The following MAST4 variants were observed in gnomAD, a reference collection of about 807,000 sequenced individuals.
MAST4 encodes the protein microtubule associated serine/threonine kinase family member 4, also known as microtubule-associated serine/threonine-protein kinase 4.
In MAST4, 89 loss-of-function variants were observed where a neutral mutation model predicts 162.7. The ratio of observed to expected loss-of-function variants is 0.55; its 90% CI spans 0.46 to 0.65. MAST4 has a LOEUF of 0.65. Ranked by LOEUF, MAST4 falls within the 30% of genes least tolerant of loss-of-function variation. The pLI is 0.00. For missense variants in MAST4, 3,153 were observed against 3,374.0 expected (o/e 0.93, Z 1.62); for synonymous variants, 1,479 against 1,361.1 (o/e 1.09, Z -1.91).
rs1230619144 is a variant in MAST4, at chr5:67,069,313, A to ATATATATATATATATATATATAT, written c.763+14821_763+14822insTATATATATATATATATATATAT. On this transcript the variant is annotated intron_variant, in intron 5 of 28. Coordinates refer to ENST00000403625, the MANE Select transcript of MAST4 (RefSeq NM_001164664.2). ...ATATATATATATATATATATATATA[A>ATATATATATATATATATATATAT]AATTTTAAAATATTCCTTCTAAGGC... is the stretch of plus-strand genomic sequence containing the variant. Among the ~76,000 whole-genome samples the ATATATATATATATATATATATAT allele has an allele frequency of 3.8e-3, 249 of 65,164 alleles. 6 individuals carry two copies. Among genetic ancestry groups the ATATATATATATATATATATATAT allele is most frequent in the Middle Eastern group, 8.8e-3 (1 of 114 alleles). The allele number at this position is 65,164 out of a possible 152,430, so 42.8% of individuals were successfully genotyped here.
chr5:67,121,230 C>CCT (rs1767544269), intron 14 of MAST4, 128 bp downstream of exon 14: 1 of 701,584 alleles, frequency 1.4e-6, no homozygotes, highest in Non-Finnish European at 2.4e-6. Context: ...CTGCTCCTTT[C>CCT]CTGAGGCTTG....
chr5:66,761,767 T>C (rs1414234224), intron 2 of MAST4, among the ~76,000 whole-genome samples: 1 of 152,200 alleles, frequency 6.6e-6, no homozygotes, highest in Non-Finnish European at 1.5e-5. Flanking sequence ...ATCTTTTCCC[T>C]TGAGTTTACT....
At chr5:66,972,904 C>G (rs1033840677) in intron 4 of MAST4, among the ~76,000 whole-genome samples, 3 of 152,216 alleles carry the variant, frequency 2.0e-5, no homozygotes, top group African/African-American at 7.2e-5. Flanking sequence ...GTTCCTGTGT[C>G]AGGGCTGATT....
At chr5:66,865,628 T>C (rs556112746) in intron 3 of MAST4, among the ~76,000 whole-genome samples, 10 of 152,324 alleles carry the variant, frequency 6.6e-5, no homozygotes, top group Admixed American at 3.9e-4. Context: ...AAAAAATTAA[T>C]AAATGACTGA....
chr5:66,992,481 G>C (rs1581130111), intron 4 of MAST4, among the ~76,000 whole-genome samples: 1 of 152,128 alleles, frequency 6.6e-6, no homozygotes. Context: ...GTCATGGGCA[G>C]ACTTTCCCCA....
intron 1 of MAST4, among the ~76,000 whole-genome samples, chr5:66,687,672 CTA>C (rs1561262847): frequency 1.0e-4 from 14 of 134,594 alleles, no homozygotes; most frequent in South Asian, 2.4e-4. Flanking sequence ...ATCTATCTAT[CTA>C]TCTATACGCA....
At chr5:67,105,197 T>C (rs1052321888) in intron 10 of MAST4, among the ~76,000 whole-genome samples, 9 of 152,194 alleles carry the variant, frequency 5.9e-5, no homozygotes, top group African/African-American at 2.2e-4. Context: ...ATAATATTGC[T>C]CTTCTGGCTG....
intron 4 of MAST4, among the ~76,000 whole-genome samples, chr5:66,987,455 C>CT (rs534150768): frequency 1.4e-4 from 20 of 147,622 alleles, no homozygotes; most frequent in East Asian, 3.9e-4. Context: ...TTTTTTTCTA[C>CT]TTTTTTTTTT....
intron 1 of MAST4, among the ~76,000 whole-genome samples, chr5:66,704,278 T>C (rs1319205684): frequency 6.6e-6 from 1 of 152,134 alleles, no homozygotes; most frequent in Middle Eastern, 3.2e-3. Flanking sequence ...GTGCCAAGTG[T>C]TCAACATCAG....
chr5:66,750,642 C>G (rs1251219619), intron 1 of MAST4, among the ~76,000 whole-genome samples: 1 of 152,222 alleles, frequency 6.6e-6, no homozygotes, highest in Non-Finnish European at 1.5e-5. Context: ...CTCTGAGGGT[C>G]CTACGCCCAC....
intron 1 of MAST4, among the ~76,000 whole-genome samples, chr5:66,627,966 G>A (rs1410078191): frequency 1.3e-5 from 2 of 151,942 alleles, no homozygotes; most frequent in African/African-American, 4.8e-5. Context: ...GCTATTTTAT[G>A]TTGCTAAAAA....
intron 5 of MAST4, among the ~76,000 whole-genome samples, chr5:67,063,709 C>A (rs1759905014): frequency 6.6e-6 from 1 of 151,542 alleles, no homozygotes; most frequent in South Asian, 2.1e-4. Flanking sequence ...TTTTGCTTTT[C>A]AATCACAATT....
intron 17 of MAST4, 40 bp downstream of exon 17, chr5:67,133,686 G>A (rs1317693772): frequency 6.2e-7 from 1 of 1,606,430 alleles, no homozygotes; most frequent in Non-Finnish European, 8.5e-7. Flanking sequence ...GAAATACAAA[G>A]TATGGTATTG....
intron 4 of MAST4, among the ~76,000 whole-genome samples, chr5:66,921,149 C>T (rs34777197): frequency 0.012 from 1,793 of 152,224 alleles, 29 homozygotes; most frequent in South Asian, 0.053. Context: ...AAAACTGCAA[C>T]ATTGGGTTAA....
chr5:67,136,426 G>A lies in MAST4; in HGVS notation c.2393-137G>A, dbSNP rs1769651113. The stretch of plus-strand genomic sequence containing the variant: ...GAATCGACTGAAGATCTTGTTGAAA[G>A]GCAGACTCTGATTTAGTAGGTCCGG... On this transcript the variant is annotated intron_variant, in intron 18 of 28. Coordinates refer to ENST00000403625, the MANE Select transcript of MAST4 (RefSeq NM_001164664.2). The A allele has an allele frequency of 1.7e-5, 10 of 603,878 alleles. No homozygotes were observed. The South Asian group carries it at 1.8e-4, about 11-fold the overall frequency. The allele number at this position is 603,878 out of a possible 1,614,324, so 37.4% of individuals were successfully genotyped here. A position where few individuals can be genotyped will look rare whatever the true frequency, so the allele number is the denominator to read the frequency against.
intron 4 of MAST4, among the ~76,000 whole-genome samples, chr5:66,960,009 A>G (rs1007312784): frequency 1.3e-5 from 2 of 152,248 alleles, no homozygotes; most frequent in African/African-American, 4.8e-5. Flanking sequence ...CTGTTAGTCA[A>G]AGATGCAGAA....
In MAST4 at chr5:66,759,614, G is replaced by T. The variant is rs1753737852; in HGVS notation, c.364-95G>T. 4.8e-6 allele frequency: 7 copies of T among 1,460,140 alleles called. No individual in the cohort carries two copies. The South Asian group carries it at 9.6e-5, about 20-fold the overall frequency. The allele number at this position is 1,460,140 out of a possible 1,614,324, so 90.4% of individuals were successfully genotyped here. On this transcript the variant is annotated intron_variant, in intron 1 of 28. Coordinates refer to ENST00000403625, the MANE Select transcript of MAST4 (RefSeq NM_001164664.2). Reference sequence around the variant, plus strand: ...GTGTTGGGAGAATGGAGTTTGAGAAGGAAAAGAAAGGAAGAAAAAGTGTGA... The same window carrying T: ...GTGTTGGGAGAATGGAGTTTGAGAATGAAAAGAAAGGAAGAAAAAGTGTGA...
At chr5:66,767,762 C>T (rs1298006585) in intron 2 of MAST4, among the ~76,000 whole-genome samples, 2 of 152,064 alleles carry the variant, frequency 1.3e-5, no homozygotes, top group African/African-American at 4.8e-5. Context: ...TTGAGGGCTC[C>T]AGGGCAGGAA....
At chr5:67,052,469 A>G (rs960595766) in intron 4 of MAST4, among the ~76,000 whole-genome samples, 7 of 152,216 alleles carry the variant, frequency 4.6e-5, no homozygotes, top group African/African-American at 1.7e-4. Flanking sequence ...TTTTTAAAAA[A>G]TCTAAATTGT....
Sources: allele counts gnomAD v4.1 joint callset (sites outside exome capture counted in the v4.1 genomes callset), GRCh38; gene constraint gnomAD v4.1.1; transcripts MANE v1.5; gene names NCBI Gene and HGNC (gene_info 2026-07-23, HGNC 2026-07-21).